TJAP1: variants seen among roughly 807,000 people sequenced by gnomAD.
The protein encoded by TJAP1 is tight junction associated protein 1.
In TJAP1, 27 loss-of-function variants were observed where a neutral mutation model predicts 42.0. The observed-to-expected ratio is 0.64, with a 90% CI of 0.47 to 0.89. The LOEUF (loss-of-function observed/expected upper bound fraction) is 0.89. Ranked by LOEUF, TJAP1 falls within the 40% of genes least tolerant of loss-of-function variation. The probability of loss-of-function intolerance (pLI) is 0.00; values close to 1 mark genes in which losing one functional copy is unlikely to be tolerated. For missense variants in TJAP1, 712 were observed against 726.9 expected (o/e 0.98, Z 0.24); for synonymous variants, 257 against 288.4 (o/e 0.89, Z 1.10).
intron 2 of TJAP1, among the ~76,000 whole-genome samples, chr6:43,483,539 C>T (rs945449119): frequency 6.6e-6 from 1 of 152,180 alleles, no homozygotes; most frequent in Non-Finnish European, 1.5e-5. Context: ...TTGGTGAGGG[C>T]TCTGTTTACT....
chr6:43,505,228 C>T lies in TJAP1; in HGVS notation c.1047C>T (p.Asn349=), dbSNP rs1792043951. 6.2e-7 allele frequency: 1 copy of T among 1,614,166 alleles called. No homozygotes were observed. Among genetic ancestry groups the T allele is most frequent in the Non-Finnish European group, 8.5e-7 (1 of 1,180,008 alleles). Residue 349 remains asparagine (N), a synonymous_variant, in exon 11 of 11, where the codon AAC becomes AAT. Coordinates refer to ENST00000372449, the Ensembl canonical transcript of TJAP1. The surrounding 1 kb of genome is among the most constrained non-coding windows in gnomAD (Gnocchi z 5.5). ...TCCCCCGCAACAGCCCCCTGCCCAA[C>T]TGCACTTACGCTACCCGCCAGGCCA...
exon 4 of TJAP1, chr6:43,499,086 C>T (rs61745289): frequency 8.7e-6 from 14 of 1,613,772 alleles, no homozygotes; most frequent in East Asian, 2.2e-5. Flanking sequence ...TCCTGGATCC[C>T]GGCTTGAGCA....
chr6:43,504,766 C>T (rs144384163), exon 11 of TJAP1: 3 of 1,609,934 alleles, frequency 1.9e-6, no homozygotes, highest in African/African-American at 1.3e-5. Context: ...CTCAGCTGCC[C>T]TGTGAGCTAC....
At chr6:43,487,101 A>G (rs1463481861) in intron 2 of TJAP1, among the ~76,000 whole-genome samples, 1 of 152,136 alleles carries the variant, frequency 6.6e-6, no homozygotes, top group African/African-American at 2.4e-5. Flanking sequence ...CCTGAGTAGA[A>G]GGGTGGGACC....
At chr6:43,503,943 G>A (rs778452063) in intron 10 of TJAP1, 4 of 695,988 alleles carry the variant, frequency 5.7e-6, no homozygotes. Flanking sequence ...CAGAGACAGA[G>A]AGAGAAGATC....
At chr6:43,501,637 G>T in exon 6 of TJAP1, 1 of 1,598,260 alleles carries the variant, frequency 6.3e-7, no homozygotes, top group Non-Finnish European at 8.6e-7. Context: ...TGGAGCTGGA[G>T]CTGGGCCAGA....
chr6:43,502,250 C>T (rs757754547), intron 6 of TJAP1, 33 bp from the exon 7 acceptor site: 33 of 1,611,166 alleles, frequency 2.0e-5, no homozygotes, highest in Non-Finnish European at 2.6e-5. Flanking sequence ...AGGATCTTGA[C>T]CCAGGGATGT....
At chr6:43,502,070 A>ACTCTCTCTCTCTCT (rs1439125421) in intron 6 of TJAP1, among the ~76,000 whole-genome samples, 1 of 123,854 alleles carries the variant, frequency 8.1e-6, no homozygotes, top group African/African-American at 4.1e-5. Flanking sequence ...ACACACACAC[A>ACTCTCTCTCTCTCT]CACACACTCT....
rs568473974 is a variant in TJAP1 at position 43,484,429 on chromosome 6, A to G, written c.-122+6197A>G. On this transcript the variant is annotated intron_variant, in intron 2 of 10. Coordinates refer to ENST00000372449, the Ensembl canonical transcript of TJAP1. Reference sequence around the variant, plus strand: ...AGCTGAGATCATGCCACTGTACTCCATCCTGGGGCACAAGAGCGAGACTTC... The same window carrying G: ...AGCTGAGATCATGCCACTGTACTCCGTCCTGGGGCACAAGAGCGAGACTTC... Among the ~76,000 whole-genome samples, 437 of 152,282 alleles carry G rather than the reference A, an allele frequency of 2.9e-3. 1 individual carries two copies. Among genetic ancestry groups the G allele is most frequent in the African/African-American group, 0.01 (416 of 41,560 alleles).
At position 43,492,381 on chromosome 6, in the gene TJAP1, G is replaced by A. The variant is rs187754310; in HGVS notation, c.-121-5500G>A. ...GGTGGCGGGCATAGCTGTTGGAGGG[G>A]CAGCAGGGCTGGTCTGGGCACAGAC... On this transcript the variant is annotated intron_variant, in intron 2 of 10. Coordinates refer to ENST00000372449, the Ensembl canonical transcript of TJAP1. This position sits in a 1 kb window ranked among gnomAD's most constrained non-coding sequence, Gnocchi z 4.2. Among the ~76,000 whole-genome samples, 1 of 152,188 alleles carries A rather than the reference G, an allele frequency of 6.6e-6. No individual in the cohort carries two copies. The highest frequency in any genetic ancestry group is 1.5e-5 in the Non-Finnish European group (1 of 68,038).
At chr6:43,484,623 A>C (rs1262886460) in intron 2 of TJAP1, among the ~76,000 whole-genome samples, 4 of 152,226 alleles carry the variant, frequency 2.6e-5, no homozygotes, top group African/African-American at 9.6e-5. Flanking sequence ...GGTGGGAGTA[A>C]AACGGAGTCT....
intron 6 of TJAP1, among the ~76,000 whole-genome samples, chr6:43,501,937 T>A (rs986009892): frequency 0.01 from 1,432 of 142,358 alleles, 52 homozygotes; most frequent in African/African-American, 0.035. Flanking sequence ...ACTCTCTCTC[T>A]CTCTCTCTCT....
chr6:43,501,111 G>C lies in TJAP1; in HGVS notation c.128+339G>C, dbSNP rs1489257254. The C allele has an allele frequency of 7.5e-6, 3 of 398,242 alleles. No homozygotes were observed. In the Admixed American group the frequency reaches 1.2e-4, roughly 16 times the overall value. The allele number at this position is 398,242 out of a possible 1,614,324, so 24.7% of individuals were successfully genotyped here. A position where few individuals can be genotyped will look rare whatever the true frequency, so the allele number is the denominator to read the frequency against. ...GCCACATGAGGCCTCTGGAGAGGAG[G>C]GCAGTGCTGGGCTGGATTTCCAAGA... On this transcript the variant is annotated intron_variant, in intron 5 of 10. Coordinates refer to ENST00000372449, the Ensembl canonical transcript of TJAP1.
chr6:43,500,117 T>C (rs1265588113), intron 4 of TJAP1, among the ~76,000 whole-genome samples: 4 of 152,054 alleles, frequency 2.6e-5, no homozygotes, highest in Non-Finnish European at 5.9e-5. Flanking sequence ...CCTCTCGCGA[T>C]AGCAGGGGCC....
At chr6:43,499,224 C>T in intron 4 of TJAP1, 124 bp downstream of exon 4, 4 of 1,457,942 alleles carry the variant, frequency 2.7e-6, no homozygotes, top group Admixed American at 4.0e-5. Flanking sequence ...CTTGCTGTTG[C>T]AGGCCTGAGG....
chr6:43,502,767 C>T, intron 8 of TJAP1, 150 bp downstream of exon 8: 3 of 892,930 alleles, frequency 3.4e-6, no homozygotes, highest in South Asian at 1.4e-5. Context: ...CTGTCAATGC[C>T]TCCCTCCCAG....
intron 2 of TJAP1, among the ~76,000 whole-genome samples, chr6:43,490,917 A>G (rs1206392249): frequency 6.6e-6 from 1 of 152,220 alleles, no homozygotes; most frequent in Admixed American, 6.5e-5. Context: ...TTCTCCCTCC[A>G]GGCTTGGGAA....
rs558657921 is a variant in TJAP1, at chr6:43,505,286, C to T, written c.1105C>T (p.Arg369Trp). Residue 369 changes from arginine (R) to tryptophan (W), a missense_variant, in exon 11 of 11, where the codon CGG becomes TGG. By Grantham distance (101) the Arg-to-Trp change is moderately radical. Coordinates refer to ENST00000372449, the Ensembl canonical transcript of TJAP1. The surrounding 1 kb of genome is among the most constrained non-coding windows in gnomAD (Gnocchi z 5.5). ...GAGCCTGGTAGAGGAGGGGAGTGAG[C>T]GGGCCCGCCCCAGCCCAGTGCCCAG... 1.5e-5 allele frequency: 24 copies of T among 1,612,238 alleles called. No individual in the cohort carries two copies. Among genetic ancestry groups the T allele is most frequent in the East Asian group, 2.2e-5 (1 of 44,862 alleles).
intron 2 of TJAP1, among the ~76,000 whole-genome samples, chr6:43,487,870 GT>G (rs549444658): frequency 0.019 from 2,616 of 138,320 alleles, 45 homozygotes; most frequent in African/African-American, 0.049. Context: ...CCTTCTAGTA[GT>G]TTTTTTTTTT....
Sources: allele counts gnomAD v4.1 joint callset (sites outside exome capture counted in the v4.1 genomes callset), GRCh38; gene constraint gnomAD v4.1.1; non-coding constraint Gnocchi (gnomAD v3.1); transcripts MANE v1.5; gene names NCBI Gene and HGNC (gene_info 2026-07-23, HGNC 2026-07-21).